The following EYS variants were observed in gnomAD, a reference collection of about 807,000 sequenced individuals.
EYS encodes EGF-like photoreceptor maintenance factor, also known as protein eyes shut homolog.
A neutral mutation model predicts 282.1 loss-of-function variants in EYS; 250 were observed. That is an observed-to-expected ratio of 0.89 (90% CI 0.80 to 0.98). EYS has a LOEUF of 0.98. EYS is among the 50% of genes least tolerant of loss of function. EYS has a pLI of 0.00. For synonymous variants in EYS, 1,355 were observed against 1,282.9 expected (o/e 1.06, Z -1.20); for missense variants, 4,016 against 3,709.0 (o/e 1.08, Z -2.15).
At chr6:64,518,601 C>T (rs947205333) in intron 26 of EYS, among the ~76,000 whole-genome samples, 1 of 151,682 alleles carries the variant, frequency 6.6e-6, no homozygotes, top group Non-Finnish European at 1.5e-5. Flanking sequence ...GCTATTGACC[C>T]GACGGGAATG....
chr6:64,159,220 G>A (rs1456622434), intron 31 of EYS, among the ~76,000 whole-genome samples: 2 of 152,066 alleles, frequency 1.3e-5, no homozygotes, highest in African/African-American at 4.8e-5. Flanking sequence ...GTAAATGCTA[G>A]GTTAATCGTT....
intron 26 of EYS, among the ~76,000 whole-genome samples, chr6:64,449,503 G>A (rs1277982921): frequency 6.6e-6 from 1 of 152,094 alleles, no homozygotes; most frequent in Non-Finnish European, 1.5e-5. Flanking sequence ...GAAATACAGA[G>A]AATGCCACAA....
chr6:64,360,258 T>C (rs1771959747), intron 29 of EYS, among the ~76,000 whole-genome samples: 2 of 151,724 alleles, frequency 1.3e-5, no homozygotes, highest in Non-Finnish European at 1.5e-5. Flanking sequence ...AACCACTTGG[T>C]TGTATATATT....
At chr6:65,314,732 T>C (rs1769255494) in intron 11 of EYS, among the ~76,000 whole-genome samples, 1 of 151,858 alleles carries the variant, frequency 6.6e-6, no homozygotes, top group African/African-American at 2.4e-5. Context: ...GGATGGGACA[T>C]AGCCAATGAT....
chr6:65,440,803 T>C (rs1473063171), intron 5 of EYS, among the ~76,000 whole-genome samples: 3 of 149,142 alleles, frequency 2.0e-5, no homozygotes, highest in Non-Finnish European at 4.5e-5. Flanking sequence ...AATACAGTTT[T>C]AGTAACCTGA....
intron 35 of EYS, among the ~76,000 whole-genome samples, chr6:63,943,202 T>C (rs189520422): frequency 2.0e-4 from 30 of 152,304 alleles, no homozygotes; most frequent in African/African-American, 7.0e-4. Flanking sequence ...GTATTTATTA[T>C]TTGAACCATA....
intron 8 of EYS, among the ~76,000 whole-genome samples, chr6:65,373,548 C>T (rs1383063972): frequency 1.3e-5 from 2 of 151,980 alleles, no homozygotes. Context: ...CCTCAGAAAA[C>T]ACATAAAAAT....
intron 30 of EYS, among the ~76,000 whole-genome samples, chr6:64,232,551 G>A (rs4710474): frequency 0.32 from 47,797 of 151,726 alleles, 7,526 homozygotes; most frequent in East Asian, 0.5. Flanking sequence ...CACCATGCCT[G>A]GTTAATTTTT....
intron 2 of EYS, among the ~76,000 whole-genome samples, chr6:65,511,007 T>C (rs186564241): frequency 3.3e-4 from 51 of 152,298 alleles, no homozygotes; most frequent in Admixed American, 2.8e-3. Flanking sequence ...TTGTGAAGAA[T>C]TTGTGAATAG....
chr6:63,976,535 C>T (rs1177118612), intron 35 of EYS, among the ~76,000 whole-genome samples: 4 of 152,004 alleles, frequency 2.6e-5, no homozygotes, highest in Non-Finnish European at 1.5e-5. Flanking sequence ...CACAAAATTA[C>T]ATTTTATTGC....
At chr6:65,266,939 G>GAT (rs10571040) in intron 12 of EYS, among the ~76,000 whole-genome samples, 4,862 of 139,964 alleles carry the variant, frequency 0.035, 91 homozygotes, top group Non-Finnish European at 0.053. Context: ...CACAAACATT[G>GAT]ATATATATAT....
intron 23 of EYS, among the ~76,000 whole-genome samples, chr6:64,624,351 TAAAC>T (rs1234814457): frequency 6.6e-6 from 1 of 152,200 alleles, no homozygotes; most frequent in African/African-American, 2.4e-5. Context: ...ATTGTTATGA[TAAAC>T]AAAATTTATA....
At chr6:63,954,142 C>G (rs11751654) in intron 35 of EYS, among the ~76,000 whole-genome samples, 8,043 of 152,224 alleles carry the variant, frequency 0.053, 278 homozygotes, top group South Asian at 0.12. Context: ...GACAACTGAC[C>G]CCTGTGACTG....
At chr6:64,059,947 T>A (rs1354735046) in intron 33 of EYS, among the ~76,000 whole-genome samples, 1 of 152,168 alleles carries the variant, frequency 6.6e-6, no homozygotes, top group African/African-American at 2.4e-5. Context: ...AAATACCAGA[T>A]GGAAGAGCTG....
chr6:64,329,632 G>A (rs995147095), intron 29 of EYS, among the ~76,000 whole-genome samples: 20 of 152,070 alleles, frequency 1.3e-4, no homozygotes, highest in Non-Finnish European at 2.4e-4. Context: ...TACCCAGTGT[G>A]AATCTGTCAC....
chr6:65,443,564 A>C lies in EYS; in HGVS notation c.863-38197T>G, dbSNP rs116210110. On this transcript the variant is annotated intron_variant, in intron 5 of 42. Coordinates refer to ENST00000503581, the MANE Select transcript of EYS (RefSeq NM_001142800.2). ...GGACACATGATACGCATACATGTAT[A>C]CACACATATGTGTATATACACATAT... is the stretch of plus-strand genomic sequence containing the variant. 9.9e-3 allele frequency among the ~76,000 whole-genome samples: 1,467 copies of C among 148,246 alleles called. 30 individuals are homozygous for C. Among genetic ancestry groups the C allele is most frequent in the African/African-American group, 0.036 (1,397 of 38,934 alleles).
chr6:65,005,803 C>T (rs763608936), intron 13 of EYS, among the ~76,000 whole-genome samples: 4 of 152,100 alleles, frequency 2.6e-5, no homozygotes, highest in Admixed American at 6.6e-5. Context: ...CGGCAGTAGC[C>T]GGTTAAGATC....
At chr6:63,866,034 G>C (rs561748041) in intron 35 of EYS, among the ~76,000 whole-genome samples, 1 of 152,152 alleles carries the variant, frequency 6.6e-6, no homozygotes, top group South Asian at 2.1e-4. Context: ...AGACAGATAT[G>C]GAATCTCATA....
At chr6:65,373,370 T>C (rs957865687) in intron 8 of EYS, among the ~76,000 whole-genome samples, 3 of 152,106 alleles carry the variant, frequency 2.0e-5, no homozygotes, top group African/African-American at 7.2e-5. Context: ...TGACATCAAA[T>C]ACCACATCAC....
Sources: gnomAD v4.1 joint callset for allele counts (sites outside exome capture counted in the v4.1 genomes callset) on GRCh38, gnomAD v4.1.1 for gene constraint, MANE v1.5 for transcripts, NCBI Gene and HGNC (gene_info 2026-07-23, HGNC 2026-07-21) for gene names.